SYTL5: variants seen among roughly 807,000 people sequenced by gnomAD.
The protein encoded by SYTL5 is synaptotagmin like 5.
SYTL5 carries 34 observed loss-of-function variants against 55.9 expected under a neutral mutation model. The observed-to-expected ratio is 0.61, with a 90% CI of 0.46 to 0.81. SYTL5 has a LOEUF of 0.81. Ranked by LOEUF, SYTL5 falls within the 30% of genes least tolerant of loss-of-function variation. The pLI is 0.00. For missense variants in SYTL5, 637 were observed against 546.7 expected, an observed-to-expected ratio of 1.17 and a Z score of -1.65; for synonymous variants, 221 against 188.7, an observed-to-expected ratio of 1.17 and a Z score of -1.40.
At chrX:38,126,437 A>C (rs1295341259) in intron 16 of SYTL5, 151 bp from the exon 17 acceptor site, 1 of 533,214 alleles carries the variant, frequency 1.9e-6, no homozygotes, top group Non-Finnish European at 3.0e-6. Flanking sequence ...TGATTGATTC[A>C]ATTCTAACAC....
chrX:37,930,613 T>C, the SYTL5 span, among the ~76,000 whole-genome samples: 2 of 112,093 alleles, frequency 1.8e-5, no homozygotes, highest in Non-Finnish European at 3.8e-5. Context: ...TCAGGGGAAG[T>C]ACATTTTTCC....
At chrX:38,101,042 G>C (rs1246268281) in intron 9 of SYTL5, among the ~76,000 whole-genome samples, 1 of 111,327 alleles carries the variant, frequency 9.0e-6, no homozygotes, top group East Asian at 2.8e-4. Context: ...CCACAATTTT[G>C]ATGAATTTTA....
the SYTL5 span, among the ~76,000 whole-genome samples, chrX:37,972,158 A>G: frequency 9.0e-6 from 1 of 110,911 alleles, no homozygotes; most frequent in Non-Finnish European, 1.9e-5. Context: ...GGCACCTTTC[A>G]GCTGGGAGGA....
At chrX:37,907,976 G>A in the SYTL5 span, among the ~76,000 whole-genome samples, 1 of 110,334 alleles carries the variant, frequency 9.1e-6, no homozygotes, top group Non-Finnish European at 1.9e-5. Context: ...GTTTAGCTGG[G>A]CGCAGTAGCA....
At chrX:38,072,910 A>G (rs1446552655) in intron 4 of SYTL5, among the ~76,000 whole-genome samples, 1 of 112,016 alleles carries the variant, frequency 8.9e-6, no homozygotes, top group Non-Finnish European at 1.9e-5. Context: ...GCCTGTTTCT[A>G]GGCTTATCTC....
the SYTL5 span, among the ~76,000 whole-genome samples, chrX:37,947,746 C>A: frequency 4.5e-5 from 5 of 109,985 alleles, no homozygotes; most frequent in East Asian, 2.9e-4. Flanking sequence ...TGGTGTAGAT[C>A]CTAATTTTCC....
In SYTL5 at chrX:38,072,155, A is replaced by T; in HGVS notation, c.438A>T (p.Arg146Ser). ...TTGTCCGACAGTCCATTTTAAGAAG[A>T]AGTCCAGGTAATTAAAGCAATTATG... ...TDVVRQSILR[R>S]SPGAEEVQSQ... Residue 146 changes from arginine (R) to serine (S), a missense_variant, in exon 4 of 17, where the codon AGA becomes AGT. Arg to Ser is a moderately radical substitution (Grantham distance 110). Transcript: ENST00000297875. 1 of 1,192,797 alleles carries T rather than the reference A, an allele frequency of 8.4e-7. No homozygotes were observed. Among genetic ancestry groups the T allele is most frequent in the Non-Finnish European group, 1.1e-6 (1 of 879,303 alleles).
rs756986524 is a variant in SYTL5, at chrX:38,101,983, G to GCA, written c.1063-348_1063-347dup. On this transcript the variant is annotated intron_variant, in intron 9 of 16. Coordinates refer to ENST00000297875, the MANE Select transcript of SYTL5 (RefSeq NM_138780.3). ...CTTGGCAGTGTGTGTGTGTGTGTTT[G>GCA]CACACACACACAAATTTTTTTTAAT... Among the ~76,000 whole-genome samples, 34 of 109,351 alleles carry GCA rather than the reference G, an allele frequency of 3.1e-4. No individual in the cohort carries two copies. The Middle Eastern group carries it at 0.014, about 45-fold the overall frequency. 95.0% of individuals were successfully genotyped at this position (109,351 alleles called of 115,157 possible). A position where few individuals can be genotyped will look rare whatever the true frequency, so the allele number is the denominator to read the frequency against.
intron 1 of SYTL5, among the ~76,000 whole-genome samples, chrX:38,020,698 G>T (rs1316089821): frequency 9.1e-6 from 1 of 109,658 alleles, no homozygotes; most frequent in Non-Finnish European, 1.9e-5. Flanking sequence ...ATGGAGGTTT[G>T]TGTTGGACTG....
At chrX:38,097,233 A>G (rs907218400) in intron 9 of SYTL5, among the ~76,000 whole-genome samples, 1 of 110,970 alleles carries the variant, frequency 9.0e-6, no homozygotes, top group Non-Finnish European at 1.9e-5. Flanking sequence ...GAATGAGTCT[A>G]TATAAGAATA....
the SYTL5 span, among the ~76,000 whole-genome samples, chrX:37,982,937 A>G: frequency 9.0e-6 from 1 of 111,636 alleles, no homozygotes; most frequent in Non-Finnish European, 1.9e-5. Context: ...GGAAATAAAT[A>G]GAACTATATA....
the SYTL5 span, among the ~76,000 whole-genome samples, chrX:37,950,832 T>A: frequency 9.0e-6 from 1 of 111,547 alleles, no homozygotes; most frequent in Non-Finnish European, 1.9e-5. Flanking sequence ...TGGAAACATA[T>A]CTTGATATGT....
At chrX:37,953,770 A>G in the SYTL5 span, among the ~76,000 whole-genome samples, 1 of 111,816 alleles carries the variant, frequency 8.9e-6, no homozygotes, top group Non-Finnish European at 1.9e-5. Flanking sequence ...GTGAAGATGC[A>G]GGAGAGCAGT....
intron 15 of SYTL5, among the ~76,000 whole-genome samples, chrX:38,122,979 A>G (rs1937588531): frequency 1.8e-5 from 2 of 112,811 alleles, no homozygotes; most frequent in African/African-American, 3.2e-5. Context: ...TCCGTAAAGC[A>G]CATAAGGTAA....
At chrX:38,020,545 C>T (rs1381785387) in intron 1 of SYTL5, among the ~76,000 whole-genome samples, 2 of 104,100 alleles carry the variant, frequency 1.9e-5, no homozygotes, top group African/African-American at 7.0e-5. Context: ...AGCATGCCAT[C>T]ACATATAAAA....
At chrX:37,918,470 T>C in the SYTL5 span, among the ~76,000 whole-genome samples, 1 of 112,156 alleles carries the variant, frequency 8.9e-6, no homozygotes, top group Non-Finnish European at 1.9e-5. Context: ...ATAGATATAT[T>C]AGCAAACCCA....
Position 38,128,056 on chromosome X carries a change from G to A in SYTL5, c.*1326G>A, listed in dbSNP as rs1937704313. The A allele has an allele frequency of 2.7e-5, 3 of 112,086 alleles. No individual in the cohort carries two copies. Among genetic ancestry groups the A allele is most frequent in the Non-Finnish European group, 5.6e-5 (3 of 53,246 alleles). The allele number at this position is 112,086 out of a possible 1,213,427, so 9.2% of individuals were successfully genotyped here. A position where few individuals can be genotyped will look rare whatever the true frequency, so the allele number is the denominator to read the frequency against. ...GGATGCAGGAAGGCATGAAGAATTG[G>A]GGCCAACAGTTCAATCTACCATACC... On this transcript the variant is annotated 3_prime_UTR_variant, in exon 17 of 17. Transcript: ENST00000297875.
the SYTL5 span, among the ~76,000 whole-genome samples, chrX:37,900,816 G>C: frequency 9.0e-6 from 1 of 111,140 alleles, no homozygotes; most frequent in Non-Finnish European, 1.9e-5. Context: ...TGGCTGGCCT[G>C]GGTCATGTGC....
chrX:37,966,466 C>G, the SYTL5 span, among the ~76,000 whole-genome samples: 2 of 81,982 alleles, frequency 2.4e-5, no homozygotes, highest in African/African-American at 9.4e-5. Flanking sequence ...GAGACAGAGT[C>G]TCACTCTGTC....
Sources: gnomAD v4.1 joint callset for allele counts (sites outside exome capture counted in the v4.1 genomes callset) on GRCh38, gnomAD v4.1.1 for gene constraint, MANE v1.5 for transcripts, NCBI Gene and HGNC (gene_info 2026-07-23, HGNC 2026-07-21) for gene names.